The following KCTD9 variants were observed in gnomAD, a reference collection of about 807,000 sequenced individuals.
KCTD9 encodes BTB/POZ domain-containing protein KCTD9.
KCTD9 carries 17 observed loss-of-function variants against 53.3 expected under a neutral mutation model. The ratio of observed to expected loss-of-function variants is 0.32; its 90% CI spans 0.22 to 0.48. KCTD9 has a LOEUF of 0.48. Ranked by LOEUF, KCTD9 falls within the 20% of genes least tolerant of loss-of-function variation. The pLI is 0.99. For missense variants in KCTD9, 179 were observed against 465.5 expected (o/e 0.38, Z 5.66); for synonymous variants, 128 against 162.7 (o/e 0.79, Z 1.62).
At chr8:25,442,654 G>A (rs1802144343) in intron 3 of KCTD9, among the ~76,000 whole-genome samples, 1 of 152,188 alleles carries the variant, frequency 6.6e-6, no homozygotes, top group African/African-American at 2.4e-5. Flanking sequence ...AAAAGGACTG[G>A]AGGTAAGTGT....
chr8:25,433,917 G>C (rs1001718578), intron 9 of KCTD9, among the ~76,000 whole-genome samples: 1 of 152,054 alleles, frequency 6.6e-6, no homozygotes, highest in African/African-American at 2.4e-5. Flanking sequence ...TCAAGTCAGA[G>C]GTCAGAATAC....
intron 1 of KCTD9, among the ~76,000 whole-genome samples, chr8:25,456,438 A>T (rs941044251): frequency 1.3e-5 from 2 of 152,150 alleles, no homozygotes; most frequent in South Asian, 2.1e-4. Context: ...ATAATTATAA[A>T]TTTTTTTAAT....
chr8:25,446,091 G>C (rs1258944749), intron 2 of KCTD9, 38 bp downstream of exon 2: 1 of 1,603,676 alleles, frequency 6.2e-7, no homozygotes, highest in Non-Finnish European at 8.5e-7. Flanking sequence ...AAGAAGTTGA[G>C]GCACACTGTT....
rs534380358 is a variant in KCTD9, at chr8:25,430,351, T to A, written c.1054-378A>T. On this transcript the variant is annotated intron_variant, in intron 11 of 11. Coordinates refer to ENST00000221200, the MANE Select transcript of KCTD9 (RefSeq NM_017634.4). The stretch of plus-strand genomic sequence containing the variant: ...GAGGTCACCAGTAGATGAAGCTTCA[T>A]CTGTATTTACAGCCAGTCCCTGTAT... Among the ~76,000 whole-genome samples the A allele has an allele frequency of 6.2e-4, 94 of 152,300 alleles. 1 individual carries two copies. The highest frequency in any genetic ancestry group is 2.2e-3 in the African/African-American group (91 of 41,584).
Position 25,457,420 on chromosome 8 carries a change from C to T in KCTD9, c.48+779G>A, listed in dbSNP as rs572949699. 8 of 975,378 alleles carry T rather than the reference C, an allele frequency of 8.2e-6. No homozygotes were observed. The South Asian group carries it at 3.8e-4, about 46-fold the overall frequency. 60.4% of individuals were successfully genotyped at this position (975,378 alleles called of 1,614,324 possible). A position where few individuals can be genotyped will look rare whatever the true frequency, so the allele number is the denominator to read the frequency against. ...CAACTTTCATGGGTGGGGCAAAAGGCTGGGAAGGAAGAGAATTCGTTTTGG... is the reference window on the plus strand; with the variant it reads ...CAACTTTCATGGGTGGGGCAAAAGGTTGGGAAGGAAGAGAATTCGTTTTGG... On this transcript the variant is annotated intron_variant, in intron 1 of 11. Transcript: ENST00000221200.
At position 25,458,418 on chromosome 8, in the gene KCTD9, G is replaced by A. The variant is rs1286813343; in HGVS notation, c.-172C>T. ...CGCACGCACTCTGTCCCACACCCAA[G>A]GTTCGGCCGGTCCTCCTTCCCACCC... On this transcript the variant is annotated 5_prime_UTR_variant, in exon 1 of 12. Transcript: ENST00000221200. The A allele has an allele frequency of 1.4e-6, 1 of 721,640 alleles. No individual in the cohort carries two copies. The highest frequency in any genetic ancestry group is 2.4e-6 in the Non-Finnish European group (1 of 423,304). 44.7% of individuals were successfully genotyped at this position (721,640 alleles called of 1,614,324 possible). A position where few individuals can be genotyped will look rare whatever the true frequency, so the allele number is the denominator to read the frequency against.
intron 6 of KCTD9, among the ~76,000 whole-genome samples, chr8:25,437,458 T>C (rs1344054491): frequency 6.6e-6 from 1 of 151,934 alleles, no homozygotes; most frequent in Non-Finnish European, 1.5e-5. Context: ...GTAGATCACT[T>C]GAGGTCAGGA....
Position 25,453,160 on chromosome 8 carries a change from C to T in KCTD9, c.48+5039G>A, listed in dbSNP as rs184453121. On this transcript the variant is annotated intron_variant, in intron 1 of 11. Transcript: ENST00000221200. ...GGCAGATCAGGAGGTCAGCCGAGAC[C>T]AGCCTGACCAACATGGTGAAACCCC... Among the ~76,000 whole-genome samples, 503 of 151,362 alleles carry T rather than the reference C, an allele frequency of 3.3e-3. 1 individual carries two copies. The highest frequency in any genetic ancestry group is 6.1e-3 in the Non-Finnish European group (414 of 67,932).
chr8:25,457,320 AG>A, intron 1 of KCTD9: 5 of 979,732 alleles, frequency 5.1e-6, no homozygotes, highest in Non-Finnish European at 6.1e-6. Flanking sequence ...GTAAAGGCTG[AG>A]TTACTTCTAG....
chr8:25,427,860 AT>A lies in KCTD9; in HGVS notation c.*1996del, dbSNP rs1260229825. The A allele has an allele frequency of 2.0e-5, 3 of 151,972 alleles. No homozygotes were observed. Among genetic ancestry groups the A allele is most frequent in the Non-Finnish European group, 4.4e-5 (3 of 67,918 alleles). 9.4% of individuals were successfully genotyped at this position (151,972 alleles called of 1,614,324 possible). A position where few individuals can be genotyped will look rare whatever the true frequency, so the allele number is the denominator to read the frequency against. On this transcript the variant is annotated 3_prime_UTR_variant, in exon 12 of 12. Transcript: ENST00000221200. ...AAAATAATCATGTTTAAAGAAATAA[AT>A]TTACTTTAATGGTACTTTCAAAAAG...
rs773839514 is a variant in KCTD9 at position 25,436,411 on chromosome 8, G to A, written c.567+7C>T. On this transcript the variant is annotated splice_region_variant and intron_variant, in intron 7 of 11. Coordinates refer to ENST00000221200, the MANE Select transcript of KCTD9 (RefSeq NM_017634.4). ...TGTAACACTGGCTAATGTAAAAACA[G>A]GCTTACCTTTATTGCCACTTCTAGG... 1.7e-5 allele frequency: 28 copies of A among 1,609,774 alleles called. No homozygotes were observed. The African/African-American group carries it at 3.6e-4, about 21-fold the overall frequency.
At chr8:25,445,374 G>T (rs368639879) in intron 2 of KCTD9, among the ~76,000 whole-genome samples, 13 of 152,166 alleles carry the variant, frequency 8.5e-5, no homozygotes, top group African/African-American at 3.1e-4. Context: ...AGGTCATTTT[G>T]ATCTAGATTT....
rs886825212 is a variant in KCTD9, at chr8:25,458,014, C to A, written c.48+185G>T. Among the ~76,000 whole-genome samples the A allele has an allele frequency of 2.6e-5, 4 of 151,806 alleles. No individual in the cohort carries two copies. In the South Asian group the frequency reaches 8.3e-4, roughly 32 times the overall value. On this transcript the variant is annotated intron_variant, in intron 1 of 11. Transcript: ENST00000221200. The stretch of plus-strand genomic sequence containing the variant: ...TGAGGCACTGAAGGGCAGGCTCGGG[C>A]ACGGGGGTCCTGAGGGTCGGGAGGA...
At chr8:25,444,689 T>C (rs1160286225) in intron 2 of KCTD9, among the ~76,000 whole-genome samples, 3 of 152,206 alleles carry the variant, frequency 2.0e-5, no homozygotes, top group Non-Finnish European at 4.4e-5. Flanking sequence ...TTACATTTTT[T>C]ACCCCTAAAT....
At chr8:25,435,962 T>C (rs962886347) in intron 8 of KCTD9, among the ~76,000 whole-genome samples, 2 of 152,208 alleles carry the variant, frequency 1.3e-5, no homozygotes, top group Non-Finnish European at 1.5e-5. Flanking sequence ...ATTGCAAATG[T>C]ACAAATACTG....
intron 4 of KCTD9, among the ~76,000 whole-genome samples, chr8:25,440,310 G>A (rs1259349646): frequency 2.0e-5 from 3 of 151,832 alleles, no homozygotes; most frequent in African/African-American, 7.3e-5. Context: ...CGCCCGCCTC[G>A]GCCTCCCAAA....
chr8:25,431,309 T>A (rs1242962708), intron 11 of KCTD9, among the ~76,000 whole-genome samples: 2 of 152,178 alleles, frequency 1.3e-5, no homozygotes, highest in Non-Finnish European at 2.9e-5. Flanking sequence ...ACTGCCCTTC[T>A]TTTTAAAGCC....
At chr8:25,439,548 A>C in intron 5 of KCTD9, 58 bp downstream of exon 5, 1 of 1,598,452 alleles carries the variant, frequency 6.3e-7, no homozygotes, top group Non-Finnish European at 8.6e-7. Context: ...GGAGTTATAA[A>C]GTCAGCACAG....
In KCTD9 at chr8:25,458,209, T is replaced by C; in HGVS notation, c.38A>G (p.Lys13Arg). The C allele has an allele frequency of 5.8e-6, 9 of 1,546,322 alleles. No homozygotes were observed. The highest frequency in any genetic ancestry group is 7.9e-6 in the Non-Finnish European group (9 of 1,139,032). ...TCACGCCCCCGTTACCTTTCCGTTC[T>C]TGGGGCTGCCGTTCAGGAACAGGGT... ...RVTLFLNGSP[K>R]NGKVVAVYGT... Residue 13 changes from lysine (K) to arginine (R), a missense_variant, in exon 1 of 12, where the codon AAG becomes AGG. By Grantham distance (26) the Lys-to-Arg change is conservative. Around this residue, in one of 4 missense-constraint regions of KCTD9, gnomAD observed 115 missense variants for 250.9 expected, o/e 0.46. Transcript: ENST00000221200.
Sources: allele counts gnomAD v4.1 joint callset (sites outside exome capture counted in the v4.1 genomes callset), GRCh38; gene constraint gnomAD v4.1.1; regional missense constraint gnomAD v4.1.1; transcripts MANE v1.5; gene names NCBI Gene and HGNC (gene_info 2026-07-23, HGNC 2026-07-21).